The following TECPR2 variants were observed in gnomAD, a reference collection of about 807,000 sequenced individuals.
TECPR2 encodes tectonin beta-propeller repeat containing 2.
A neutral mutation model predicts 138.1 loss-of-function variants in TECPR2; 65 were observed. The observed-to-expected ratio is 0.47, with a 90% CI of 0.39 to 0.58. The LOEUF (loss-of-function observed/expected upper bound fraction) is 0.58. TECPR2 is among the 20% of genes least tolerant of loss of function. The probability of loss-of-function intolerance (pLI) is 0.00; values close to 1 mark genes in which losing one functional copy is unlikely to be tolerated. For synonymous variants in TECPR2, 746 were observed against 749.8 expected, an observed-to-expected ratio of 0.99 and a Z score of 0.08; for missense variants, 1,553 against 1,824.5, an observed-to-expected ratio of 0.85 and a Z score of 2.71.
At chr14:102,413,945 G>A (rs540752605) in intron 4 of TECPR2, among the ~76,000 whole-genome samples, 79 of 151,548 alleles carry the variant, frequency 5.2e-4, no homozygotes, top group Non-Finnish European at 8.4e-4. Context: ...CCATAGGCAC[G>A]TGCCAACATG....
At chr14:102,471,200 C>A (rs1051981479) in intron 17 of TECPR2, among the ~76,000 whole-genome samples, 1 of 152,050 alleles carries the variant, frequency 6.6e-6, no homozygotes, top group African/African-American at 2.4e-5. Context: ...GATCTTCCCA[C>A]CTCGGCCTCC....
intron 17 of TECPR2, among the ~76,000 whole-genome samples, chr14:102,485,001 C>G (rs539787885): frequency 3.9e-5 from 6 of 152,338 alleles, no homozygotes; most frequent in African/African-American, 1.4e-4. Flanking sequence ...GGTAGTGGTG[C>G]TTGAGAAGGG....
intron 17 of TECPR2, among the ~76,000 whole-genome samples, chr14:102,472,805 T>C (rs550525333): frequency 6.6e-6 from 1 of 152,294 alleles, no homozygotes; most frequent in East Asian, 1.9e-4. Context: ...GGATCCCAAC[T>C]CTGGTGTGTG....
Position 102,428,215 on chromosome 14 carries a change from G to GTTTTT in TECPR2, c.952-33_952-29dup, listed in dbSNP as rs375843791. On this transcript the variant is annotated intron_variant, in intron 6 of 19. Coordinates refer to ENST00000359520, the MANE Select transcript of TECPR2 (RefSeq NM_014844.5). ...AGCTGTTACCGTTGTTTAGTTTTGT[G>GTTTTT]TTTTTTGTTTTTTTTTTTTTTTTTT... 201 of 1,309,892 alleles carry GTTTTT rather than the reference G, an allele frequency of 1.5e-4. 9 individuals are homozygous for GTTTTT. Among genetic ancestry groups the GTTTTT allele is most frequent in the South Asian group, 4.8e-4 (34 of 71,054 alleles). 81.1% of individuals were successfully genotyped at this position (1,309,892 alleles called of 1,614,324 possible).
intron 16 of TECPR2, among the ~76,000 whole-genome samples, chr14:102,460,062 G>C (rs1226434180): frequency 1.3e-5 from 2 of 152,202 alleles, no homozygotes; most frequent in African/African-American, 4.8e-5. Flanking sequence ...CTTAAGGCCA[G>C]GAGTTTGAGA....
intron 2 of TECPR2, among the ~76,000 whole-genome samples, chr14:102,384,433 C>T (rs999400217): frequency 6.6e-6 from 1 of 151,394 alleles, no homozygotes; most frequent in African/African-American, 2.4e-5. Context: ...AATCCCAGCA[C>T]TTCAGGAGGC....
chr14:102,474,308 C>A (rs182306778), intron 17 of TECPR2, among the ~76,000 whole-genome samples: 7 of 152,064 alleles, frequency 4.6e-5, no homozygotes, highest in Non-Finnish European at 1.0e-4. Context: ...TCACTGAAAA[C>A]CTAGAAGAAA....
At chr14:102,377,270 T>C (rs1887666605) in intron 2 of TECPR2, among the ~76,000 whole-genome samples, 1 of 152,182 alleles carries the variant, frequency 6.6e-6, no homozygotes, top group African/African-American at 2.4e-5. Flanking sequence ...ATCCTTTTGC[T>C]TCAACTTCCT....
At chr14:102,471,624 C>T (rs927100692) in intron 17 of TECPR2, among the ~76,000 whole-genome samples, 2 of 151,818 alleles carry the variant, frequency 1.3e-5, no homozygotes, top group African/African-American at 4.8e-5. Context: ...ATTGCTTGAG[C>T]CCAGGAGTTC....
intron 2 of TECPR2, among the ~76,000 whole-genome samples, chr14:102,400,289 C>T (rs1364749138): frequency 1.3e-5 from 2 of 152,178 alleles, no homozygotes; most frequent in East Asian, 3.9e-4. Context: ...AGTTGATCTG[C>T]CCGCCTTGGC....
chr14:102,434,622 G>T lies in TECPR2; in HGVS notation c.1805G>T (p.Cys602Phe), dbSNP rs748324607. The T allele has an allele frequency of 1.9e-6, 3 of 1,587,798 alleles. No individual in the cohort carries two copies. The change falls in exon 9 of 20, where the codon TGT (cysteine) becomes TTT (phenylalanine). Residue 602 changes from cysteine (C) to phenylalanine (F), a missense_variant. Cys to Phe is a radical substitution (Grantham distance 205, BLOSUM62 -2). Transcript: ENST00000359520. Reference sequence around the variant, plus strand: ...GTCACGGGACTCGGAGATGAGCCGTGTCCTGCAGATGATGGACCAAATAGC... The same window carrying T: ...GTCACGGGACTCGGAGATGAGCCGTTTCCTGCAGATGATGGACCAAATAGC... The part of the protein sequence containing the change: ...SDVTGLGDEP[C>F]PADDGPNSTQ...
At chr14:102,442,103 C>T (rs560315749) in intron 11 of TECPR2, among the ~76,000 whole-genome samples, 5 of 152,166 alleles carry the variant, frequency 3.3e-5, no homozygotes, top group African/African-American at 9.7e-5. Context: ...CTCAGCCTCC[C>T]GAGTAGCTGG....
At chr14:102,474,746 C>T (rs550473572) in intron 17 of TECPR2, among the ~76,000 whole-genome samples, 1 of 152,220 alleles carries the variant, frequency 6.6e-6, no homozygotes, top group Admixed American at 6.5e-5. Context: ...ACAAGGGACC[C>T]ATCTTTTGTG....
At chr14:102,391,568 A>G (rs1420928995) in intron 2 of TECPR2, among the ~76,000 whole-genome samples, 1 of 152,140 alleles carries the variant, frequency 6.6e-6, no homozygotes, top group Non-Finnish European at 1.5e-5. Context: ...TAGTAACTCT[A>G]ATTTAAGCTG....
chr14:102,436,869 T>C lies in TECPR2; in HGVS notation c.2395-1153T>C, dbSNP rs140846807. On this transcript the variant is annotated intron_variant, in intron 9 of 19. Transcript: ENST00000359520. ...AGGGCTGCAGGAAGCGCAAGCAGCA[T>C]GGCCCCCTAATGTCTGGGCGTTAGC... is the stretch of plus-strand genomic sequence containing the variant. Among the ~76,000 whole-genome samples the C allele has an allele frequency of 1.1e-4, 16 of 152,310 alleles. 1 individual carries two copies. The East Asian group carries it at 2.9e-3, about 28-fold the overall frequency.
intron 17 of TECPR2, among the ~76,000 whole-genome samples, chr14:102,486,797 C>G (rs1891037464): frequency 6.6e-6 from 1 of 152,188 alleles, no homozygotes; most frequent in Admixed American, 6.5e-5. Context: ...TCAGCCCTGG[C>G]TCTGAGAATT....
intron 3 of TECPR2, 87 bp from the exon 4 acceptor site, chr14:102,408,401 A>G: frequency 7.1e-7 from 1 of 1,417,070 alleles, no homozygotes; most frequent in Non-Finnish European, 9.5e-7. Context: ...CCTAACTAGG[A>G]GTGATTGTAT....
intron 4 of TECPR2, among the ~76,000 whole-genome samples, chr14:102,410,490 A>T (rs201996559): frequency 0.049 from 3,314 of 66,976 alleles, 16 homozygotes; most frequent in Non-Finnish European, 0.076. Context: ...AATAAAAAAT[A>T]AAAAATAAAA....
chr14:102,477,959 AGTT>A lies in TECPR2; in HGVS notation c.3789+12671_3789+12673del, dbSNP rs1418195044. The stretch of plus-strand genomic sequence containing the variant: ...CAAAAAAAAAAAAAAAAAAAAAAAG[AGTT>A]AGCCAGGACGGTCTAGATCTCCTGG... On this transcript the variant is annotated intron_variant, in intron 17 of 19. Transcript: ENST00000359520. Among the ~76,000 whole-genome samples the A allele has an allele frequency of 2.2e-3, 289 of 133,020 alleles. 5 individuals carry two copies. Among genetic ancestry groups the A allele is most frequent in the African/African-American group, 7.6e-3 (272 of 35,574 alleles). The allele number at this position is 133,020 out of a possible 152,430, so 87.3% of individuals were successfully genotyped here.
Sources: allele counts gnomAD v4.1 joint callset (sites outside exome capture counted in the v4.1 genomes callset), GRCh38; gene constraint gnomAD v4.1.1; transcripts MANE v1.5; gene names NCBI Gene and HGNC (gene_info 2026-07-23, HGNC 2026-07-21).